Variants in IGFL4 observed in about 807,000 individuals in gnomAD.
IGFL4 encodes the protein insulin growth factor-like family member 4.
A neutral mutation model predicts 15.4 loss-of-function variants in IGFL4; 12 were observed. The ratio of observed to expected loss-of-function variants is 0.78; its 90% CI spans 0.50 to 1.26. IGFL4 has a LOEUF of 1.26. Ranked by LOEUF, IGFL4 falls within the 50% of genes most tolerant of loss-of-function variation. The pLI, the probability that IGFL4 is intolerant of heterozygous loss-of-function variation, is 0.00. For synonymous variants in IGFL4, 54 were observed against 55.9 expected, an observed-to-expected ratio of 0.97 and a Z score of 0.16; for missense variants, 126 against 147.8, an observed-to-expected ratio of 0.85 and a Z score of 0.76.
upstream of IGFL4, among the ~76,000 whole-genome samples, chr19:46,044,405 CT>C (rs1297799654): frequency 6.6e-6 from 1 of 152,168 alleles, no homozygotes; most frequent in Non-Finnish European, 1.5e-5. Flanking sequence ...GTGGACCCCA[CT>C]TCCACAGCAC....
intron 2 of IGFL4, among the ~76,000 whole-genome samples, chr19:46,054,242 T>C (rs1326243097): frequency 6.6e-6 from 1 of 152,210 alleles, no homozygotes; most frequent in African/African-American, 2.4e-5. Context: ...GTTTCAGGTT[T>C]TACATGTAAA....
intron 1 of IGFL4, among the ~76,000 whole-genome samples, chr19:46,073,968 TA>T (rs59440392): frequency 0.045 from 6,857 of 152,206 alleles, 215 homozygotes; most frequent in South Asian, 0.1. Context: ...CTTAGTAGCT[TA>T]AAAAATCAAC....
intron 1 of IGFL4, among the ~76,000 whole-genome samples, chr19:46,063,335 GCACACACACACACA>G (rs5828265): frequency 2.0e-5 from 3 of 147,090 alleles, no homozygotes; most frequent in Admixed American, 6.8e-5. Flanking sequence ...ACACACGCAT[GCACACACACACACA>G]CACACACACA....
upstream of IGFL4, among the ~76,000 whole-genome samples, chr19:46,077,480 G>T (rs1164761517): frequency 6.6e-6 from 1 of 152,226 alleles, no homozygotes; most frequent in Non-Finnish European, 1.5e-5. This position sits in a 1 kb window ranked among gnomAD's most constrained non-coding sequence, Gnocchi z 5.4. Context: ...GAAACCAGAG[G>T]CGGGGATCCT....
intron 1 of IGFL4, among the ~76,000 whole-genome samples, chr19:46,074,524 G>A (rs570552158): frequency 1.6e-4 from 25 of 152,186 alleles, no homozygotes; most frequent in African/African-American, 5.8e-4. Context: ...AAGCTGAGGA[G>A]CAAGGAAGCC....
Position 46,040,980 on chromosome 19 carries a change from A to C in IGFL4, c.-18T>G. On this transcript the variant is annotated 5_prime_UTR_variant, in exon 1 of 4. Transcript: ENST00000377697. This position sits in a 1 kb window ranked among gnomAD's most constrained non-coding sequence, Gnocchi z 4.1. Reference sequence around the variant, plus strand: ...GGCACCATGGGTTAGGCTTCAGAGCAGCGGACGAGGGAGCAGCAGTGGAAA... The same window carrying C: ...GGCACCATGGGTTAGGCTTCAGAGCCGCGGACGAGGGAGCAGCAGTGGAAA... 1.3e-6 allele frequency: 2 copies of C among 1,581,998 alleles called. No homozygotes were observed. Among genetic ancestry groups the C allele is most frequent in the Non-Finnish European group, 1.7e-6 (2 of 1,166,998 alleles).
In IGFL4 at chr19:46,040,923, C is replaced by T; in HGVS notation, c.19+21G>A. On this transcript the variant is annotated intron_variant, in intron 1 of 3. Coordinates refer to ENST00000377697, the MANE Select transcript of IGFL4 (RefSeq NM_001002923.3). The surrounding 1 kb of genome is among the most constrained non-coding windows in gnomAD (Gnocchi z 4.1). ...TGATATCATTAGGGATTAGCTTAGC[C>T]TAGGGCTGGGGTCTCCTTACCAGAA... 3.8e-6 allele frequency: 6 copies of T among 1,586,734 alleles called. No individual in the cohort carries two copies. Among genetic ancestry groups the T allele is most frequent in the Non-Finnish European group, 4.3e-6 (5 of 1,165,986 alleles).
chr19:46,052,042 C>G (rs1477643711), intron 2 of IGFL4, among the ~76,000 whole-genome samples: 1 of 152,188 alleles, frequency 6.6e-6, no homozygotes, highest in Non-Finnish European at 1.5e-5. Flanking sequence ...TAGTGCAGGA[C>G]TTCAATAATC....
intron 1 of IGFL4, among the ~76,000 whole-genome samples, chr19:46,070,544 A>G (rs964596258): frequency 1.3e-5 from 2 of 152,072 alleles, no homozygotes; most frequent in African/African-American, 2.4e-5. Context: ...TGGTTGTGTG[A>G]TTGTGCAGAG....
intron 1 of IGFL4, among the ~76,000 whole-genome samples, chr19:46,075,714 C>T (rs1277369955): frequency 6.6e-6 from 1 of 152,184 alleles, no homozygotes; most frequent in Non-Finnish European, 1.5e-5. Context: ...TCTCCCCTTT[C>T]CACATTGAAC....
intron 2 of IGFL4, among the ~76,000 whole-genome samples, chr19:46,054,736 A>T (rs1465185703): frequency 1.3e-5 from 2 of 152,200 alleles, no homozygotes; most frequent in Non-Finnish European, 2.9e-5. Flanking sequence ...CTGTAATCTC[A>T]AAGAGAAAGT....
At chr19:46,068,388 A>G (rs893146105) in intron 1 of IGFL4, among the ~76,000 whole-genome samples, 8 of 152,260 alleles carry the variant, frequency 5.3e-5, no homozygotes, top group African/African-American at 1.7e-4. Context: ...ATGGAATCCA[A>G]CATAAAACAA....
intron 1 of IGFL4, among the ~76,000 whole-genome samples, chr19:46,070,377 C>T (rs964642818): frequency 6.6e-5 from 10 of 152,214 alleles, no homozygotes; most frequent in Non-Finnish European, 1.2e-4. Context: ...ATCACTTGCA[C>T]AATTTAGAAC....
chr19:46,039,795 G>T lies in IGFL4; in HGVS notation c.*97C>A. ...TATTTGCACTCCAGCCTGGGGGACA[G>T]AGTGAAACTCTGTCACAACAACAAC... On this transcript the variant is annotated 3_prime_UTR_variant, in exon 4 of 4. Coordinates refer to ENST00000377697, the MANE Select transcript of IGFL4 (RefSeq NM_001002923.3). 9.0e-7 allele frequency: 1 copy of T among 1,108,038 alleles called. No homozygotes were observed. The highest frequency in any genetic ancestry group is 1.4e-6 in the Non-Finnish European group (1 of 720,582). The allele number at this position is 1,108,038 out of a possible 1,614,324, so 68.6% of individuals were successfully genotyped here.
At chr19:46,053,835 C>T (rs1969369767) in intron 2 of IGFL4, among the ~76,000 whole-genome samples, 1 of 152,138 alleles carries the variant, frequency 6.6e-6, no homozygotes, top group African/African-American at 2.4e-5. Context: ...GATGATACCT[C>T]ATTATGGTTT....
upstream of IGFL4, among the ~76,000 whole-genome samples, chr19:46,045,393 A>T (rs1372578779): frequency 1.3e-5 from 2 of 150,936 alleles, no homozygotes; most frequent in African/African-American, 4.9e-5. Context: ...CAGTGAGCTG[A>T]GATCGCGCCA....
intron 1 of IGFL4, chr19:46,060,340 A>G (rs1205276135): frequency 6.6e-6 from 1 of 152,210 alleles, no homozygotes; most frequent in Non-Finnish European, 1.5e-5. Context: ...CAAAAAGCCG[A>G]AAAAGATCAC....
chr19:46,041,127 T>C, upstream of IGFL4: 1 of 627,694 alleles, frequency 1.6e-6, no homozygotes. Context: ...GGAACATAAA[T>C]AATTCATCAA....
intron 2 of IGFL4, among the ~76,000 whole-genome samples, chr19:46,055,670 G>A (rs1411622514): frequency 6.6e-6 from 1 of 152,136 alleles, no homozygotes; most frequent in African/African-American, 2.4e-5. Flanking sequence ...AGAGATACTT[G>A]GAAAGATCAG....
Sources: gnomAD v4.1 joint callset for allele counts (sites outside exome capture counted in the v4.1 genomes callset) on GRCh38, gnomAD v4.1.1 for gene constraint, Gnocchi (gnomAD v3.1) non-coding constraint, MANE v1.5 for transcripts, NCBI Gene and HGNC (gene_info 2026-07-23, HGNC 2026-07-21) for gene names.